Variants in RBMS3 observed in about 807,000 individuals in gnomAD.
RBMS3 encodes RNA-binding motif, single-stranded-interacting protein 3.
In RBMS3, 27 loss-of-function variants were observed where a neutral mutation model predicts 66.8. That is an observed-to-expected ratio of 0.40 (90% confidence interval 0.30 to 0.56). The LOEUF (loss-of-function observed/expected upper bound fraction) is 0.56. Ranked by LOEUF, RBMS3 falls within the 20% of genes least tolerant of loss-of-function variation. The probability of loss-of-function intolerance (pLI) is 0.40; values close to 1 mark genes in which losing one functional copy is unlikely to be tolerated. For synonymous variants in RBMS3, 188 were observed against 183.0 expected (o/e 1.03, Z -0.22); for missense variants, 513 against 549.5 (o/e 0.93, Z 0.66).
chr3:29,930,522 A>G (rs1317000068), intron 10 of RBMS3, among the ~76,000 whole-genome samples: 2 of 151,948 alleles, frequency 1.3e-5, no homozygotes, highest in Non-Finnish European at 2.9e-5. Context: ...CCCTAGCACT[A>G]ATCCTGGGTT....
chr3:29,455,159 A>G (rs1030115814), intron 2 of RBMS3, among the ~76,000 whole-genome samples: 8 of 152,148 alleles, frequency 5.3e-5, no homozygotes, highest in Non-Finnish European at 1.2e-4. Flanking sequence ...CACAACATAC[A>G]TGTATGTTCC....
intron 6 of RBMS3, among the ~76,000 whole-genome samples, chr3:29,797,159 A>C (rs908061776): frequency 2.6e-5 from 4 of 152,244 alleles, no homozygotes; most frequent in Admixed American, 6.5e-5. Flanking sequence ...TACTTCATCT[A>C]TATTGAAAAT....
At chr3:29,309,454 GT>G (rs752234848) in intron 1 of RBMS3, among the ~76,000 whole-genome samples, 34 of 151,678 alleles carry the variant, frequency 2.2e-4, no homozygotes, top group Non-Finnish European at 4.6e-4. Flanking sequence ...GTACTGACAC[GT>G]TAAATTCTTA....
intron 2 of RBMS3, among the ~76,000 whole-genome samples, chr3:29,438,055 T>G (rs982403431): frequency 6.6e-6 from 1 of 151,856 alleles, no homozygotes; most frequent in Non-Finnish European, 1.5e-5. Context: ...TCTCTCTCTC[T>G]CTCTCTCGTA....
intron 1 of RBMS3, among the ~76,000 whole-genome samples, chr3:29,400,019 A>G (rs902971429): frequency 6.6e-6 from 1 of 152,096 alleles, no homozygotes; most frequent in Non-Finnish European, 1.5e-5. Flanking sequence ...AAAGTATGGT[A>G]AAGGTGTTGT....
intron 3 of RBMS3, among the ~76,000 whole-genome samples, chr3:29,568,107 A>G (rs1413249471): frequency 1.3e-5 from 2 of 152,170 alleles, no homozygotes; most frequent in African/African-American, 2.4e-5. Flanking sequence ...TGCATAATAC[A>G]TTTATTGTAT....
At chr3:29,639,593 C>CAGAGAGACAGAG (rs2049613866) in intron 4 of RBMS3, among the ~76,000 whole-genome samples, 1 of 143,074 alleles carries the variant, frequency 7.0e-6, no homozygotes, top group African/African-American at 2.6e-5. Context: ...AGAAGATAGA[C>CAGAGAGACAGAG]AGAGAGAGAG....
At chr3:29,569,987 G>GA (rs752109836) in intron 3 of RBMS3, among the ~76,000 whole-genome samples, 304 of 69,666 alleles carry the variant, frequency 4.4e-3, no homozygotes, top group Non-Finnish European at 7.2e-3. Context: ...GTTGCTTAGG[G>GA]AAAAATCAGA....
intron 1 of RBMS3, among the ~76,000 whole-genome samples, chr3:29,336,627 A>AG (rs2035970541): frequency 6.6e-6 from 1 of 152,172 alleles, no homozygotes; most frequent in Admixed American, 6.6e-5. Context: ...ACCATGTCTT[A>AG]GGCATCATGA....
At chr3:29,524,854 A>T (rs1452569466) in intron 3 of RBMS3, among the ~76,000 whole-genome samples, 1 of 151,978 alleles carries the variant, frequency 6.6e-6, no homozygotes, top group Non-Finnish European at 1.5e-5. Context: ...GCAGTTTTGG[A>T]CTAGCCAGGA....
chr3:29,511,815 A>G (rs2044425205), intron 3 of RBMS3, among the ~76,000 whole-genome samples: 1 of 152,138 alleles, frequency 6.6e-6, no homozygotes, highest in Admixed American at 6.5e-5. Flanking sequence ...TCTTGGGAAA[A>G]AAATGAAAGC....
chr3:29,924,319 A>C (rs1013687876), intron 10 of RBMS3, among the ~76,000 whole-genome samples: 1 of 152,230 alleles, frequency 6.6e-6, no homozygotes, highest in South Asian at 2.1e-4. Context: ...AGCAGAAGTC[A>C]CAAATCTATA....
intron 3 of RBMS3, among the ~76,000 whole-genome samples, chr3:29,510,640 T>A (rs1238694221): frequency 6.6e-6 from 1 of 152,150 alleles, no homozygotes; most frequent in Non-Finnish European, 1.5e-5. Context: ...AAACCCAAAA[T>A]GCTCCAATAA....
At chr3:29,648,844 C>T (rs753807117) in intron 4 of RBMS3, among the ~76,000 whole-genome samples, 5 of 152,132 alleles carry the variant, frequency 3.3e-5, no homozygotes, top group Non-Finnish European at 1.5e-5. Context: ...ATTCTTACAT[C>T]ATTCTCTTCA....
intron 6 of RBMS3, among the ~76,000 whole-genome samples, chr3:29,843,433 A>G (rs939705227): frequency 6.6e-6 from 1 of 152,196 alleles, no homozygotes; most frequent in African/African-American, 2.4e-5. Context: ...ATCTTAAAAC[A>G]TCGACACTAT....
intron 2 of RBMS3, among the ~76,000 whole-genome samples, chr3:29,443,419 A>C (rs1348030967): frequency 6.6e-6 from 1 of 152,080 alleles, no homozygotes; most frequent in Non-Finnish European, 1.5e-5. Flanking sequence ...ATATGAATAA[A>C]TAATTAAAAA....
At chr3:29,969,352 C>T (rs1317327256) in intron 12 of RBMS3, among the ~76,000 whole-genome samples, 1 of 152,210 alleles carries the variant, frequency 6.6e-6, no homozygotes, top group African/African-American at 2.4e-5. Context: ...GTTAAACACC[C>T]AGCACAAAAT....
At chr3:29,800,744 A>G (rs958432748) in intron 6 of RBMS3, among the ~76,000 whole-genome samples, 1 of 151,992 alleles carries the variant, frequency 6.6e-6, no homozygotes, top group African/African-American at 2.4e-5. Flanking sequence ...AAACAAAGCA[A>G]AACAAAACCT....
intron 1 of RBMS3, among the ~76,000 whole-genome samples, chr3:29,421,421 CTAAT>C (rs1330272858): frequency 1.3e-5 from 2 of 151,956 alleles, no homozygotes; most frequent in African/African-American, 2.4e-5. Context: ...TTTTAAAAAT[CTAAT>C]TATTTTTAGT....
Sources: gnomAD v4.1 joint callset for allele counts (sites outside exome capture counted in the v4.1 genomes callset) on GRCh38, gnomAD v4.1.1 for gene constraint, MANE v1.5 for transcripts, NCBI Gene and HGNC (gene_info 2026-07-23, HGNC 2026-07-21) for gene names.